Variants in ANO1 observed in about 807,000 individuals in gnomAD.
The protein encoded by ANO1 is anoctamin 1, also known as anoctamin-1.
ANO1 carries 59 observed loss-of-function variants against 124.0 expected under a neutral mutation model. The ratio of observed to expected loss-of-function variants is 0.48; its 90% CI spans 0.39 to 0.59. The LOEUF (loss-of-function observed/expected upper bound fraction) is 0.59. Among genes scored for constraint, ANO1 ranks in the 20% least tolerant of loss-of-function variants. The pLI is 0.00. For missense variants in ANO1, 1,059 were observed against 1,328.0 expected, an observed-to-expected ratio of 0.80 and a Z score of 3.15; for synonymous variants, 529 against 532.0, an observed-to-expected ratio of 0.99 and a Z score of 0.08.
chr11:70,051,238 T>C (rs948501870), intron 1 of ANO1, among the ~76,000 whole-genome samples: 2 of 152,196 alleles, frequency 1.3e-5, no homozygotes, highest in South Asian at 4.1e-4. Context: ...TGAATTCAGG[T>C]GGAAGCAAGC....
chr11:70,075,426 T>G (rs1555009886), upstream of ANO1: 1 of 151,592 alleles, frequency 6.6e-6, no homozygotes. Context: ...GTATGGCCCC[T>G]GCGCAAAGAT....
At chr11:69,971,137 G>A in the ANO1 span, among the ~76,000 whole-genome samples, 1 of 152,212 alleles carries the variant, frequency 6.6e-6, no homozygotes, top group Non-Finnish European at 1.5e-5. Context: ...CACAGGTTCA[G>A]GACAGAATTC....
At chr11:70,151,465 A>G (rs1313931687) in intron 12 of ANO1, among the ~76,000 whole-genome samples, 1 of 152,126 alleles carries the variant, frequency 6.6e-6, no homozygotes, top group Non-Finnish European at 1.5e-5. Context: ...AAATAGAAAA[A>G]AAAAAGCAGT....
At chr11:70,093,247 A>C (rs1455142380) in intron 2 of ANO1, among the ~76,000 whole-genome samples, 1,471 of 60,952 alleles carry the variant, frequency 0.024, no homozygotes, top group Middle Eastern at 0.054. Context: ...TTTTCACTCT[A>C]CCCCCTCTCA....
the ANO1 span, among the ~76,000 whole-genome samples, chr11:69,974,506 GC>G: frequency 6.6e-6 from 1 of 152,240 alleles, no homozygotes; most frequent in Non-Finnish European, 1.5e-5. Flanking sequence ...AAGGGCGTCT[GC>G]CCAAGACGGC....
At chr11:70,155,799 C>G (rs1307031138) in intron 14 of ANO1, 112 bp from the exon 15 acceptor site, 2 of 1,006,650 alleles carry the variant, frequency 2.0e-6, no homozygotes, top group African/African-American at 1.7e-5. Context: ...ACGGCCCGCA[C>G]CAGGAGGGGC....
At chr11:70,116,644 TC>T in intron 8 of ANO1, 145 bp downstream of exon 8, 1 of 685,066 alleles carries the variant, frequency 1.5e-6, no homozygotes, top group South Asian at 1.7e-5. Flanking sequence ...GAAGCGGGTG[TC>T]CCCTCTCACC....
At chr11:70,044,237 C>A (rs930133808) in intron 1 of ANO1, among the ~76,000 whole-genome samples, 2 of 151,878 alleles carry the variant, frequency 1.3e-5, no homozygotes, top group African/African-American at 2.4e-5. Context: ...GAATAACAAA[C>A]AATATCCATT....
intron 22 of ANO1, among the ~76,000 whole-genome samples, chr11:70,173,105 A>G (rs10751200): frequency 0.19 from 28,292 of 152,088 alleles, 3,041 homozygotes; most frequent in African/African-American, 0.29. Context: ...GTTCCAAGAT[A>G]ACTTCAACTC....
At chr11:70,027,068 C>G (rs1555003315) in intron 1 of ANO1, among the ~76,000 whole-genome samples, 3 of 152,198 alleles carry the variant, frequency 2.0e-5, no homozygotes, top group African/African-American at 7.2e-5. Flanking sequence ...AGGATGACAG[C>G]AACACACTCC....
At chr11:70,044,191 A>G (rs1277496521) in intron 1 of ANO1, among the ~76,000 whole-genome samples, 1 of 152,092 alleles carries the variant, frequency 6.6e-6, no homozygotes, top group African/African-American at 2.4e-5. Flanking sequence ...AAAATAAAGC[A>G]AAAAGTGCTA....
chr11:70,052,067 A>G (rs1857356799), intron 1 of ANO1, among the ~76,000 whole-genome samples: 1 of 152,256 alleles, frequency 6.6e-6, no homozygotes, highest in Non-Finnish European at 1.5e-5. Context: ...GTCAAGGTCC[A>G]GCTTTCTCCC....
chr11:70,168,891 C>T (rs1375279802), intron 21 of ANO1, among the ~76,000 whole-genome samples: 1 of 152,166 alleles, frequency 6.6e-6, no homozygotes, highest in African/African-American at 2.4e-5. Flanking sequence ...GCAAGGAGCA[C>T]CTTGCCATTG....
At chr11:70,014,381 T>G (rs1856662301) in intron 1 of ANO1, among the ~76,000 whole-genome samples, 1 of 151,824 alleles carries the variant, frequency 6.6e-6, no homozygotes, top group Non-Finnish European at 1.5e-5. Flanking sequence ...GGTTTTGATG[T>G]CAACATCAAT....
At chr11:70,129,947 G>T (rs1164298928) in intron 10 of ANO1, among the ~76,000 whole-genome samples, 1 of 152,172 alleles carries the variant, frequency 6.6e-6, no homozygotes, top group African/African-American at 2.4e-5. Context: ...TAAATGTTTA[G>T]GGACTGTACC....
At chr11:70,032,220 A>C (rs1555003890) in intron 1 of ANO1, among the ~76,000 whole-genome samples, 3 of 152,206 alleles carry the variant, frequency 2.0e-5, no homozygotes, top group Non-Finnish European at 4.4e-5. Context: ...GCATGACCCC[A>C]GATTAGGTCT....
At chr11:70,062,986 G>A (rs1555007984) in intron 1 of ANO1, among the ~76,000 whole-genome samples, 1 of 152,102 alleles carries the variant, frequency 6.6e-6, no homozygotes, top group East Asian at 1.9e-4. Context: ...CTGGAGTACA[G>A]TGGTGCAATC....
chr11:70,179,011 C>A (rs2048836856), intron 22 of ANO1, among the ~76,000 whole-genome samples: 1 of 152,254 alleles, frequency 6.6e-6, no homozygotes, highest in South Asian at 2.1e-4. Context: ...GGGGCCTGAG[C>A]TCTTGCTGCC....
Position 70,161,352 on chromosome 11 carries a change from C to T in ANO1, c.1770C>T (p.Leu590=). The T allele has an allele frequency of 1.9e-6, 3 of 1,613,908 alleles. No homozygotes were observed. The highest frequency in any genetic ancestry group is 2.5e-6 in the Non-Finnish European group (3 of 1,179,868). Residue 590 remains leucine, a synonymous_variant, in exon 17 of 26, where the codon CTC becomes CTT. Coordinates refer to ENST00000355303, the MANE Select transcript of ANO1 (RefSeq NM_018043.7). ...TGTATGGCTGCATAGCCCGATGGCTCACCAAGATCGGTGAGTGCCCATGTT... is the reference window on the plus strand; with the variant it reads ...TGTATGGCTGCATAGCCCGATGGCTTACCAAGATCGGTGAGTGCCCATGTT... The part of the protein sequence containing the change: ...DEVYGCIARW[L]TKIEVPKTEK...
Sources: allele counts gnomAD v4.1 joint callset (sites outside exome capture counted in the v4.1 genomes callset), GRCh38; gene constraint gnomAD v4.1.1; transcripts MANE v1.5; gene names NCBI Gene and HGNC (gene_info 2026-07-23, HGNC 2026-07-21).